The following SRPK1 variants were observed in gnomAD, a reference collection of about 807,000 sequenced individuals.
SRPK1 encodes the protein SRSF protein kinase 1.
Under a neutral mutation model 89.5 loss-of-function variants are expected in SRPK1, and 52 were observed. The ratio of observed to expected loss-of-function variants is 0.58; its 90% CI spans 0.46 to 0.73. The LOEUF (loss-of-function observed/expected upper bound fraction) is 0.73. Ranked by LOEUF, SRPK1 falls within the 30% of genes least tolerant of loss-of-function variation. The pLI, the probability that SRPK1 is intolerant of heterozygous loss-of-function variation, is 0.00. For missense variants in SRPK1, 603 were observed against 780.6 expected, an observed-to-expected ratio of 0.77 and a Z score of 2.71; for synonymous variants, 255 against 270.2, an observed-to-expected ratio of 0.94 and a Z score of 0.55.
intron 15 of SRPK1, among the ~76,000 whole-genome samples, chr6:35,836,075 G>A (rs925104154): frequency 6.6e-6 from 1 of 152,038 alleles, no homozygotes; most frequent in South Asian, 2.1e-4. Flanking sequence ...ACCAGTCTGC[G>A]GTCTGTCAGG....
intron 5 of SRPK1, among the ~76,000 whole-genome samples, chr6:35,887,252 C>T (rs1356748918): frequency 6.6e-6 from 1 of 152,074 alleles, no homozygotes; most frequent in African/African-American, 2.4e-5. Flanking sequence ...TATCTTGTCA[C>T]AAACGGACAT....
intron 13 of SRPK1, among the ~76,000 whole-genome samples, chr6:35,852,358 T>C (rs553490949): frequency 6.6e-6 from 1 of 152,174 alleles, no homozygotes; most frequent in Admixed American, 6.5e-5. Context: ...ATTACAGAAC[T>C]GTGAAAGAGA....
At chr6:35,847,478 G>C (rs7774060) in intron 13 of SRPK1, among the ~76,000 whole-genome samples, 47,913 of 151,994 alleles carry the variant, frequency 0.32, 7,784 homozygotes, top group South Asian at 0.42. Context: ...AAAGTGCTGG[G>C]ATTACAGGCA....
At chr6:35,846,115 G>T (rs1341407116) in intron 13 of SRPK1, among the ~76,000 whole-genome samples, 1 of 152,096 alleles carries the variant, frequency 6.6e-6, no homozygotes, top group Admixed American at 6.6e-5. Flanking sequence ...TAGAGTTTCA[G>T]TTTAGAAAGA....
At chr6:35,900,187 C>T (rs1770711847) in intron 2 of SRPK1, among the ~76,000 whole-genome samples, 1 of 151,966 alleles carries the variant, frequency 6.6e-6, no homozygotes, top group South Asian at 2.1e-4. Flanking sequence ...ACCAGAGCTC[C>T]AAAACTCTGA....
intron 13 of SRPK1, among the ~76,000 whole-genome samples, chr6:35,855,891 C>G (rs999015379): frequency 6.6e-6 from 1 of 152,178 alleles, no homozygotes; most frequent in Admixed American, 6.5e-5. Flanking sequence ...TGCACCACCA[C>G]GTCTGGCTAA....
At chr6:35,904,846 A>G (rs757415552) in intron 2 of SRPK1, 5 of 235,674 alleles carry the variant, frequency 2.1e-5, no homozygotes, top group South Asian at 2.1e-4. Flanking sequence ...TAAAAAATAA[A>G]TAAAGTCGTG....
intron 12 of SRPK1, among the ~76,000 whole-genome samples, chr6:35,857,990 A>G (rs1028814487): frequency 6.6e-6 from 1 of 152,156 alleles, no homozygotes; most frequent in East Asian, 1.9e-4. Flanking sequence ...TTAAATTTCA[A>G]TAGGATTAGA....
rs777298905 is a variant in SRPK1 at position 35,869,753 on chromosome 6, T to C, written c.1140A>G (p.Leu380=). 54 of 1,613,856 alleles carry C rather than the reference T, an allele frequency of 3.3e-5. No homozygotes were observed. The highest frequency in any genetic ancestry group is 4.5e-5 in the East Asian group (2 of 44,898). ...NNETLRHKED[L]HNANDCDVQN... ...GGACATCACAGTCATTAGCATTATG[T>C]AGATCCTCTTTATGTCTCAATGTTT... Residue 380 remains leucine (L), a synonymous_variant, in exon 11 of 16, where the codon CTA becomes CTG. Transcript: ENST00000373825.
intron 5 of SRPK1, chr6:35,887,747 C>G (rs1166381476): frequency 1.4e-5 from 4 of 278,136 alleles, no homozygotes; most frequent in Non-Finnish European, 2.6e-5. Context: ...AGCTACCTGG[C>G]CTGTAAAACA....
intron 13 of SRPK1, among the ~76,000 whole-genome samples, chr6:35,853,580 T>C (rs9462136): frequency 0.27 from 41,603 of 151,916 alleles, 6,068 homozygotes; most frequent in South Asian, 0.41. Flanking sequence ...ACTTCTGGGG[T>C]TTATGAAGAC....
chr6:35,868,031 G>T (rs563275776), intron 12 of SRPK1, among the ~76,000 whole-genome samples: 1 of 151,888 alleles, frequency 6.6e-6, no homozygotes, highest in Non-Finnish European at 1.5e-5. Flanking sequence ...GGAGTGCAAT[G>T]GCGTGATCTT....
intron 13 of SRPK1, among the ~76,000 whole-genome samples, chr6:35,849,264 A>G (rs979093120): frequency 7.2e-5 from 11 of 152,192 alleles, no homozygotes; most frequent in African/African-American, 2.7e-4. Context: ...ATCATTAGGG[A>G]AATGCAAATT....
At chr6:35,891,637 G>A (rs1272396851) in intron 2 of SRPK1, among the ~76,000 whole-genome samples, 1 of 150,532 alleles carries the variant, frequency 6.6e-6, no homozygotes, top group African/African-American at 2.4e-5. Flanking sequence ...TGAGGCAGGA[G>A]AATTGCTTGA....
At chr6:35,906,036 A>G (rs1046138250) in intron 2 of SRPK1, among the ~76,000 whole-genome samples, 4 of 152,154 alleles carry the variant, frequency 2.6e-5, no homozygotes, top group African/African-American at 9.7e-5. Flanking sequence ...AGAGACAGCT[A>G]TTTCCTAGCC....
chr6:35,920,171 C>G (rs548678856), intron 2 of SRPK1: 18 of 538,456 alleles, frequency 3.3e-5, no homozygotes, highest in African/African-American at 2.6e-4. Context: ...GAGGTCCAAG[C>G]TAGGGGAGTT....
chr6:35,878,580 T>C (rs1466847746), intron 6 of SRPK1, among the ~76,000 whole-genome samples: 2 of 152,142 alleles, frequency 1.3e-5, no homozygotes, highest in Non-Finnish European at 2.9e-5. Context: ...CCTAATCCTA[T>C]AGCAAGCAGC....
chr6:35,868,598 T>C (rs1312356636), intron 12 of SRPK1, among the ~76,000 whole-genome samples: 2 of 152,202 alleles, frequency 1.3e-5, no homozygotes, highest in African/African-American at 4.8e-5. Context: ...AAGCAAAGTG[T>C]CCAAAATATG....
At chr6:35,880,719 C>CAAAAA (rs1364287123) in intron 6 of SRPK1, among the ~76,000 whole-genome samples, 8 of 4,074 alleles carry the variant, frequency 2.0e-3, no homozygotes, top group Non-Finnish European at 3.1e-3. Context: ...GACTCCATCT[C>CAAAAA]AAAAAAAAAA....
Sources: gnomAD v4.1 joint callset for allele counts (sites outside exome capture counted in the v4.1 genomes callset) on GRCh38, gnomAD v4.1.1 for gene constraint, MANE v1.5 for transcripts, NCBI Gene and HGNC (gene_info 2026-07-23, HGNC 2026-07-21) for gene names.